KAZN: variants seen among roughly 807,000 people sequenced by gnomAD.
KAZN encodes kazrin, periplakin interacting protein.
A neutral mutation model predicts 87.4 loss-of-function variants in KAZN; 40 were observed. That is an observed-to-expected ratio of 0.46 (90% CI 0.36 to 0.60). The LOEUF (loss-of-function observed/expected upper bound fraction) is 0.60. Ranked by LOEUF, KAZN falls within the 20% of genes least tolerant of loss-of-function variation. The probability of loss-of-function intolerance (pLI) is 0.00; values close to 1 mark genes in which losing one functional copy is unlikely to be tolerated. For synonymous variants in KAZN, 466 were observed against 458.3 expected (o/e 1.02, Z -0.22); for missense variants, 898 against 1,073.9 (o/e 0.84, Z 2.29).
At chr1:15,097,797 G>A (rs1258373025) in intron 10 of KAZN, among the ~76,000 whole-genome samples, 5 of 152,104 alleles carry the variant, frequency 3.3e-5, no homozygotes, top group African/African-American at 7.2e-5. Flanking sequence ...CAGCCCGGGC[G>A]ACAAGAATGA....
chr1:15,048,793 A>G (rs112766990), intron 4 of KAZN, among the ~76,000 whole-genome samples: 1,387 of 82,356 alleles, frequency 0.017, 29 homozygotes, highest in African/African-American at 0.038. Context: ...ATCCTTGGTC[A>G]TTGGTCCTGA....
intron 1 of KAZN, among the ~76,000 whole-genome samples, chr1:14,902,068 C>G (rs1019609046): frequency 6.6e-6 from 1 of 152,038 alleles, no homozygotes; most frequent in Admixed American, 6.5e-5. Context: ...AGGCACCTAG[C>G]GAGGTGGGAG....
chr1:14,672,640 T>G (rs1296976839), intron 1 of KAZN, among the ~76,000 whole-genome samples: 1 of 152,106 alleles, frequency 6.6e-6, no homozygotes, highest in Non-Finnish European at 1.5e-5. Context: ...GACACAGAAT[T>G]TATCAAAGGC....
chr1:14,251,807 C>G (rs1311179661), intron 2 of KAZN, among the ~76,000 whole-genome samples: 4 of 151,804 alleles, frequency 2.6e-5, no homozygotes, highest in East Asian at 1.9e-4. Context: ...TGCAACCAAG[C>G]CCAGCTAATT....
chr1:14,585,798 C>T (rs979827083), intron 2 of KAZN, among the ~76,000 whole-genome samples: 1 of 152,190 alleles, frequency 6.6e-6, no homozygotes, highest in Non-Finnish European at 1.5e-5. Flanking sequence ...GGCAGCAGAA[C>T]GTCCCAGCCC....
At position 14,802,719 on chromosome 1, in the gene KAZN, T is replaced by A. The variant is rs1646079516; in HGVS notation, c.227-157965T>A. Among the ~76,000 whole-genome samples the A allele has an allele frequency of 2.0e-5, 3 of 152,198 alleles. No individual in the cohort carries two copies. The South Asian group carries it at 6.2e-4, about 32-fold the overall frequency. On this transcript the variant is annotated intron_variant, in intron 1 of 14. Coordinates refer to ENST00000376030, the MANE Select transcript of KAZN (RefSeq NM_201628.3). ...ACCATGAGTTTACACTGGAGACTTC[T>A]TCGTAGACACGGACCCTGTTGGGCC...
chr1:14,631,148 C>T (rs1679531803), intron 1 of KAZN, among the ~76,000 whole-genome samples: 1 of 152,090 alleles, frequency 6.6e-6, no homozygotes, highest in South Asian at 2.1e-4. Context: ...GGTCCATCAG[C>T]ATCCAATCAG....
intron 2 of KAZN, among the ~76,000 whole-genome samples, chr1:15,033,737 T>TTTTG (rs761202145): frequency 3.3e-5 from 5 of 152,170 alleles, no homozygotes; most frequent in East Asian, 1.9e-4. Context: ...CCTTTGCCCA[T>TTTTG]TTTGTTTGTT....
chr1:14,521,658 G>T (rs1298729100), intron 2 of KAZN, among the ~76,000 whole-genome samples: 1 of 152,198 alleles, frequency 6.6e-6, no homozygotes, highest in Non-Finnish European at 1.5e-5. Context: ...TGCGAACTGA[G>T]AACCGCCTAC....
chr1:14,057,761 G>C (rs987124134), intron 1 of KAZN, among the ~76,000 whole-genome samples: 1 of 152,234 alleles, frequency 6.6e-6, no homozygotes, highest in Non-Finnish European at 1.5e-5. Context: ...ATGTGGGCCA[G>C]GCCACTGAGT....
At chr1:14,734,537 T>C (rs1332307527) in intron 1 of KAZN, among the ~76,000 whole-genome samples, 2 of 152,134 alleles carry the variant, frequency 1.3e-5, no homozygotes, top group African/African-American at 4.8e-5. Flanking sequence ...GGTCTTGAAC[T>C]CCCGACCTCA....
rs143424392 is a variant in KAZN at position 14,829,530 on chromosome 1, G to A, written c.227-131154G>A. Among the ~76,000 whole-genome samples, 522 of 152,204 alleles carry A rather than the reference G, an allele frequency of 3.4e-3. 3 individuals are homozygous for A. Among genetic ancestry groups the A allele is most frequent in the South Asian group, 0.02 (98 of 4,818 alleles). On this transcript the variant is annotated intron_variant, in intron 1 of 14. Transcript: ENST00000376030. ...GGCTGCAGTGAGCTATGATTGTGCC[G>A]CTGTACTCCAGCCTGGGTGACAGAG...
intron 1 of KAZN, among the ~76,000 whole-genome samples, chr1:13,942,516 C>A (rs1052134036): frequency 7.6e-6 from 1 of 131,476 alleles, no homozygotes; most frequent in Non-Finnish European, 1.5e-5. Flanking sequence ...GTCCGCAGTC[C>A]GGCCTGGGCG....
chr1:13,954,040 G>A (rs540281486), intron 1 of KAZN, among the ~76,000 whole-genome samples: 8 of 151,944 alleles, frequency 5.3e-5, no homozygotes, highest in Non-Finnish European at 1.0e-4. Context: ...TTTTCCATTC[G>A]GCCCCATGCA....
chr1:14,574,359 C>T (rs1675049943), intron 2 of KAZN, among the ~76,000 whole-genome samples: 1 of 152,188 alleles, frequency 6.6e-6, no homozygotes, highest in Admixed American at 6.5e-5. Context: ...ACGCAAATCT[C>T]ATCTTGAATT....
chr1:13,905,719 G>A (rs1404993535), intron 1 of KAZN, among the ~76,000 whole-genome samples: 7 of 152,102 alleles, frequency 4.6e-5, no homozygotes, highest in Non-Finnish European at 7.4e-5. Context: ...AATTGCCTCC[G>A]AACAGCCAAA....
intron 6 of KAZN, 97 bp from the exon 7 acceptor site, chr1:15,063,475 A>T: frequency 9.8e-7 from 1 of 1,024,966 alleles, no homozygotes; most frequent in Non-Finnish European, 1.5e-6. Flanking sequence ...GAGAGATGGC[A>T]TCCTTCCACG....
intron 1 of KAZN, among the ~76,000 whole-genome samples, chr1:14,790,406 G>T (rs1257852039): frequency 6.6e-6 from 1 of 151,902 alleles, no homozygotes; most frequent in Non-Finnish European, 1.5e-5. Flanking sequence ...TTCATTTACT[G>T]GAAAATGTAA....
intron 2 of KAZN, among the ~76,000 whole-genome samples, chr1:14,401,180 C>A (rs772060388): frequency 6.6e-6 from 1 of 152,096 alleles, no homozygotes; most frequent in Non-Finnish European, 1.5e-5. Context: ...AATTCCCAGA[C>A]ACCTGAGAAT....
Sources: allele counts gnomAD v4.1 joint callset (sites outside exome capture counted in the v4.1 genomes callset), GRCh38; gene constraint gnomAD v4.1.1; transcripts MANE v1.5; gene names NCBI Gene and HGNC (gene_info 2026-07-23, HGNC 2026-07-21).